ITIH4: variants seen among roughly 807,000 people sequenced by gnomAD.
ITIH4 encodes inter-alpha-trypsin inhibitor heavy chain H4.
In ITIH4, 79 loss-of-function variants were observed where a neutral mutation model predicts 111.8. That is an observed-to-expected ratio of 0.71 (90% CI 0.59 to 0.85). The LOEUF (loss-of-function observed/expected upper bound fraction) is 0.85. Ranked by LOEUF, ITIH4 falls within the 40% of genes least tolerant of loss-of-function variation. The pLI is 0.00. For synonymous variants in ITIH4, 472 were observed against 468.3 expected, an observed-to-expected ratio of 1.01 and a Z score of -0.10; for missense variants, 1,065 against 1,195.8, an observed-to-expected ratio of 0.89 and a Z score of 1.61.
chr3:52,820,477 C>G (rs548047382), intron 13 of ITIH4, 154 bp downstream of exon 13: 10 of 1,156,214 alleles, frequency 8.6e-6, no homozygotes, highest in African/African-American at 7.7e-5. Context: ...GGAGACCCGG[C>G]TTCACTTTCC....
In ITIH4 at chr3:52,814,283, T is replaced by A. The variant is rs144664508; in HGVS notation, c.2552A>T (p.Asp851Val). 4.0e-5 allele frequency: 64 copies of A among 1,613,886 alleles called. No homozygotes were observed. Among genetic ancestry groups the A allele is most frequent in the East Asian group, 3.8e-4 (17 of 44,890 alleles). The change falls in exon 22 of 24, where the codon GAT becomes GTT. Residue 851 changes from aspartate (D) to valine (V), a missense_variant. Transcript: ENST00000266041. ...DKVTIGLLFW[D>V]GRGEGLRLLL... ...GAGCCGGAGCCCCTCCCCACGGCCA[T>A]CCCAGAACAACAGGCCGATGGTCAC... is the stretch of plus-strand genomic sequence containing the variant.
Position 52,820,286 on chromosome 3 carries a change from C to A in ITIH4, c.1861+5G>T. The A allele has an allele frequency of 6.2e-7, 1 of 1,614,076 alleles. No homozygotes were observed. The highest frequency in any genetic ancestry group is 8.5e-7 in the Non-Finnish European group (1 of 1,180,020). ...GCACAGCCTTTGAGGATGTTCGCTG[C>A]TTACCTGAGTGGACATTCCTGTTTC... On this transcript the variant is annotated splice_donor_5th_base_variant and intron_variant, in intron 14 of 23. Transcript: ENST00000266041.
At chr3:52,817,974 G>A (rs570998355) in intron 20 of ITIH4, 78 bp downstream of exon 20, 95 of 1,110,754 alleles carry the variant, frequency 8.6e-5, no homozygotes, top group Non-Finnish European at 1.2e-4. Context: ...CAGCCTGCAC[G>A]CGCTGTGTGT....
In ITIH4 at chr3:52,823,723, C is replaced by T. The variant is rs1044948929; in HGVS notation, c.1372G>A (p.Ala458Thr). The T allele has an allele frequency of 2.5e-6, 4 of 1,614,012 alleles. No homozygotes were observed. Among genetic ancestry groups the T allele is most frequent in the African/African-American group, 1.3e-5 (1 of 74,928 alleles). Residue 458 changes from alanine (A) to threonine (T), a missense_variant, in exon 11 of 24, where the codon GCC becomes ACC. Physicochemically the swap from Ala to Thr is moderately conservative, Grantham distance 58. Transcript: ENST00000266041. ...GTCACTGCTGTCAGCAGTGGGTTGGCCACTTCCTGGTAGAAGTCCTGCAGG... is the reference window on the plus strand; with the variant it reads ...GTCACTGCTGTCAGCAGTGGGTTGGTCACTTCCTGGTAGAAGTCCTGCAGG... ...LQLQDFYQEV[A>T]NPLLTAVTFE...
chr3:52,824,936 T>G lies in ITIH4; in HGVS notation c.782A>C (p.His261Pro). 1 of 1,612,864 alleles carries G rather than the reference T, an allele frequency of 6.2e-7. No individual in the cohort carries two copies. The highest frequency in any genetic ancestry group is 1.1e-5 in the South Asian group (1 of 90,940). The change falls in exon 7 of 24, where the codon CAC (histidine) becomes CCC (proline). Residue 261 changes from histidine to proline, a missense_variant. Coordinates refer to ENST00000266041, the MANE Select transcript of ITIH4 (RefSeq NM_002218.5). The surrounding 1 kb of genome is among the most constrained non-coding windows in gnomAD (Gnocchi z 4.3). ...SIQIENGYFV[H>P]YFAPEGLTTM... ...GGTTAGGCCCTCGGGGGCAAAGTAGTGTACAAAGTAGCCGTTCTCGATCTG... is the reference window on the plus strand; with the variant it reads ...GGTTAGGCCCTCGGGGGCAAAGTAGGGTACAAAGTAGCCGTTCTCGATCTG...
At chr3:52,814,106 G>A (rs773553569) in intron 22 of ITIH4, 35 bp from the exon 23 acceptor site, 7 of 1,609,492 alleles carry the variant, frequency 4.3e-6, no homozygotes, top group Non-Finnish European at 5.9e-6. Flanking sequence ...AAGGGTCAGA[G>A]ACAGAGGAAG....
chr3:52,814,324 G>A lies in ITIH4; in HGVS notation c.2511C>T (p.Leu837=). ...CGATGGTCACTTTGTCTGGGTCACT[G>A]AGCAGCAGGAGACCCGTCTTGTCCA... ...MTMDKTGLLL[L]SDPDKVTIGL... is the part of the protein sequence containing the mutation. The change falls in exon 22 of 24, where the codon CTC becomes CTT. Residue 837 remains leucine (L), a synonymous_variant. Coordinates refer to ENST00000266041, the MANE Select transcript of ITIH4 (RefSeq NM_002218.5). 7 of 1,613,984 alleles carry A rather than the reference G, an allele frequency of 4.3e-6. No individual in the cohort carries two copies. The highest frequency in any genetic ancestry group is 5.9e-6 in the Non-Finnish European group (7 of 1,179,926).
At position 52,824,309 on chromosome 3, in the gene ITIH4, T is replaced by A; in HGVS notation, c.1052A>T (p.Asn351Ile). The A allele has an allele frequency of 6.2e-7, 1 of 1,613,058 alleles. No individual in the cohort carries two copies. Among genetic ancestry groups the A allele is most frequent in the Non-Finnish European group, 8.5e-7 (1 of 1,179,316 alleles). The part of the protein sequence containing the change: ...AAGIQALGGT[N>I]INDAMLMAVQ... ...AGCCATCAGCATTGCATCATTGATG[T>A]TGGTCCCTGAGGAACACGCACTCTC... The change falls in exon 9 of 24, where the codon AAC becomes ATC. Residue 351 changes from asparagine (N) to isoleucine (I), a missense_variant. Asn to Ile is a moderately radical substitution (Grantham distance 149, BLOSUM62 -3). Coordinates refer to ENST00000266041, the MANE Select transcript of ITIH4 (RefSeq NM_002218.5). This position sits in a 1 kb window ranked among gnomAD's most constrained non-coding sequence, Gnocchi z 4.3.
intron 5 of ITIH4, 122 bp downstream of exon 5, chr3:52,826,419 C>A: frequency 1.4e-6 from 1 of 725,976 alleles, no homozygotes. Context: ...ATCTCAGGAG[C>A]CTCTCCAGGT....
chr3:52,813,913 C>G, intron 23 of ITIH4, 62 bp downstream of exon 23: 2 of 1,351,684 alleles, frequency 1.5e-6, no homozygotes, highest in Non-Finnish European at 2.1e-6. Context: ...GAGCCTGGCT[C>G]CTGGCCTGCC....
Position 52,824,577 on chromosome 3 carries a change from G to C in ITIH4, c.877-12C>G. 3 of 1,605,086 alleles carry C rather than the reference G, an allele frequency of 1.9e-6. No homozygotes were observed. Among genetic ancestry groups the C allele is most frequent in the Non-Finnish European group, 2.6e-6 (3 of 1,176,470 alleles). ...AGGGCTTCCCGGGTCTGGTCAGGGA[G>C]AGGAAACATAGGTGCTTCAGAAGGG... On this transcript the variant is annotated splice_polypyrimidine_tract_variant and intron_variant, in intron 7 of 23. Coordinates refer to ENST00000266041, the MANE Select transcript of ITIH4 (RefSeq NM_002218.5). This position sits in a 1 kb window ranked among gnomAD's most constrained non-coding sequence, Gnocchi z 4.3.
intron 2 of ITIH4, 57 bp from the exon 3 acceptor site, chr3:52,827,254 C>T: frequency 7.3e-7 from 1 of 1,362,748 alleles, no homozygotes. Flanking sequence ...CCATTCCACT[C>T]CTGCCTCCTC....
intron 23 of ITIH4, 60 bp from the exon 24 acceptor site, chr3:52,813,550 A>G (rs1044548012): frequency 2.7e-6 from 4 of 1,455,252 alleles, no homozygotes; most frequent in Non-Finnish European, 3.9e-6. Flanking sequence ...GTGGTGCGAA[A>G]AGAGGGAGAC....
In ITIH4 at chr3:52,824,902, G is replaced by A; in HGVS notation, c.816C>T (p.Pro272=). The part of the protein sequence containing the change: ...YFAPEGLTTM[P]KNVVFVIDKS... ...TGTCAATGACAAAGACCACATTCTT[G>A]GGCATTGTGGTTAGGCCCTCGGGGG... The change falls in exon 7 of 24, where the codon CCC becomes CCT. Residue 272 remains proline, a synonymous_variant. Coordinates refer to ENST00000266041, the MANE Select transcript of ITIH4 (RefSeq NM_002218.5). This position sits in a 1 kb window ranked among gnomAD's most constrained non-coding sequence, Gnocchi z 4.3. 6.2e-7 allele frequency: 1 copy of A among 1,614,092 alleles called. No homozygotes were observed. Among genetic ancestry groups the A allele is most frequent in the East Asian group, 2.2e-5 (1 of 44,882 alleles).
intron 1 of ITIH4, 35 bp downstream of exon 1, chr3:52,830,518 C>A (rs1700551886): frequency 8.8e-6 from 14 of 1,589,672 alleles, no homozygotes; most frequent in Non-Finnish European, 1.1e-5. Flanking sequence ...TTCTCTCATC[C>A]CCCAGCTCAC....
intron 12 of ITIH4, 78 bp from the exon 13 acceptor site, chr3:52,820,863 G>C: frequency 6.4e-7 from 1 of 1,553,210 alleles, no homozygotes; most frequent in East Asian, 2.3e-5. Context: ...TTCTGGGGAG[G>C]TCCCTCTGGG....
chr3:52,819,915 C>T (rs766265184), intron 15 of ITIH4, 25 bp downstream of exon 15: 1 of 1,612,250 alleles, frequency 6.2e-7, no homozygotes, highest in South Asian at 1.1e-5. Flanking sequence ...TCAATCTCCC[C>T]TCCCCCCACC....
chr3:52,826,805 C>T lies in ITIH4; in HGVS notation c.505G>A (p.Val169Ile). 6.2e-7 allele frequency: 1 copy of T among 1,613,806 alleles called. No homozygotes were observed. ...GCAGCAGGTACCTGCAGGTGCTTGA[C>T]CAGCTGCTGGGGCCGCACTTTCAGC... ...LLLKVRPQQL[V>I]KHLQMDIHIF... is the part of the protein sequence containing the mutation. Residue 169 changes from valine (V) to isoleucine (I), a missense_variant, in exon 4 of 24, where the codon GTC becomes ATC. Transcript: ENST00000266041.
chr3:52,820,142 C>CAG, intron 14 of ITIH4, 149 bp downstream of exon 14: 1 of 1,306,408 alleles, frequency 7.7e-7, no homozygotes, highest in East Asian at 2.3e-5. Flanking sequence ...CATGCTGGGT[C>CAG]AGATTACACT....
Sources: allele counts gnomAD v4.1 joint callset, GRCh38; gene constraint gnomAD v4.1.1; non-coding constraint Gnocchi (gnomAD v3.1); transcripts MANE v1.5; gene names NCBI Gene and HGNC (gene_info 2026-07-23, HGNC 2026-07-21).